The following CSMD1 variants were observed in gnomAD, a reference collection of about 807,000 sequenced individuals.
The protein encoded by CSMD1 is CUB and Sushi multiple domains 1.
In CSMD1, 213 loss-of-function variants were observed where a neutral mutation model predicts 417.5. That is an observed-to-expected ratio of 0.51 (90% CI 0.46 to 0.57). The LOEUF (loss-of-function observed/expected upper bound fraction) is 0.57, where lower values mean the gene tolerates loss of function less well. CSMD1 is among the 20% of genes least tolerant of loss of function. The probability of loss-of-function intolerance (pLI) is 0.00; values close to 1 mark genes in which losing one functional copy is unlikely to be tolerated. For synonymous variants in CSMD1, 2,862 were observed against 1,736.8 expected (o/e 1.65, Z -16.11); for missense variants, 6,923 against 4,529.7 (o/e 1.53, Z -15.17).
At chr8:3,379,822 C>A (rs1810523160) in intron 18 of CSMD1, among the ~76,000 whole-genome samples, 3 of 152,164 alleles carry the variant, frequency 2.0e-5, no homozygotes, top group African/African-American at 7.2e-5. Flanking sequence ...CAATACAATT[C>A]AGGACATAGG....
chr8:3,785,754 G>A (rs866849913), intron 5 of CSMD1, among the ~76,000 whole-genome samples: 4 of 152,158 alleles, frequency 2.6e-5, no homozygotes, highest in South Asian at 4.1e-4. Flanking sequence ...GAGCTAGGAA[G>A]CCTATGGTGC....
chr8:3,428,939 G>A (rs1371415726), intron 12 of CSMD1, among the ~76,000 whole-genome samples: 1 of 152,192 alleles, frequency 6.6e-6, no homozygotes, highest in Admixed American at 6.5e-5. Context: ...GCCAGTGACA[G>A]AAAGACAAGC....
At chr8:4,073,120 T>C (rs971571837) in intron 3 of CSMD1, among the ~76,000 whole-genome samples, 3 of 152,282 alleles carry the variant, frequency 2.0e-5, no homozygotes, top group Admixed American at 1.3e-4. Context: ...ATCATGATTC[T>C]AGAAATTGGC....
intron 2 of CSMD1, among the ~76,000 whole-genome samples, chr8:4,575,445 C>T (rs1799092682): frequency 6.6e-6 from 1 of 152,078 alleles, no homozygotes. Flanking sequence ...TGTGTAACAT[C>T]CGGCAGGTCA....
intron 1 of CSMD1, among the ~76,000 whole-genome samples, chr8:4,920,546 G>T (rs1236091883): frequency 6.6e-6 from 1 of 152,146 alleles, no homozygotes; most frequent in Non-Finnish European, 1.5e-5. Flanking sequence ...GTGAGGCCAG[G>T]CACAGTGGCT....
intron 3 of CSMD1, among the ~76,000 whole-genome samples, chr8:4,406,688 C>A (rs59784655): frequency 0.023 from 3,479 of 152,162 alleles, 117 homozygotes; most frequent in African/African-American, 0.08. Flanking sequence ...AAAAACTACA[C>A]AAAGAAAACT....
intron 5 of CSMD1, among the ~76,000 whole-genome samples, chr8:3,989,188 G>A (rs1248045419): frequency 6.6e-6 from 1 of 152,166 alleles, no homozygotes; most frequent in African/African-American, 2.4e-5. Flanking sequence ...CTAGTTAGCA[G>A]CTCTCTCAGG....
At chr8:3,354,789 T>TC (rs1473489250) in intron 21 of CSMD1, among the ~76,000 whole-genome samples, 67 of 132,408 alleles carry the variant, frequency 5.1e-4, no homozygotes, top group Non-Finnish European at 8.4e-4. Context: ...GATATATATA[T>TC]ATCACTAAAC....
chr8:4,373,157 C>CCT (rs947106873), intron 3 of CSMD1, among the ~76,000 whole-genome samples: 1 of 152,150 alleles, frequency 6.6e-6, no homozygotes, highest in Admixed American at 6.5e-5. Flanking sequence ...GGAGGAGCAA[C>CCT]CCATGATACC....
chr8:3,339,082 G>T (rs891054191), intron 23 of CSMD1, among the ~76,000 whole-genome samples: 1 of 148,510 alleles, frequency 6.7e-6, no homozygotes, highest in African/African-American at 2.5e-5. Flanking sequence ...GAGAATATGC[G>T]GTGTTTGGTT....
chr8:4,878,784 G>C (rs1415868128), intron 1 of CSMD1, among the ~76,000 whole-genome samples: 1 of 151,850 alleles, frequency 6.6e-6, no homozygotes, highest in East Asian at 1.9e-4. Context: ...ATTATAGTTT[G>C]AGTTTATCCC....
intron 26 of CSMD1, among the ~76,000 whole-genome samples, chr8:3,251,300 G>A (rs1403008132): frequency 6.6e-6 from 1 of 152,112 alleles, no homozygotes; most frequent in Non-Finnish European, 1.5e-5. Flanking sequence ...AGTTTTCCCA[G>A]CACCATTTAT....
rs776179870 is a variant in CSMD1 at position 2,963,237 on chromosome 8, T to C, written c.9439A>G (p.Ile3147Val). The change falls in exon 60 of 70, where the codon ATC becomes GTC. Residue 3147 changes from isoleucine (I) to valine (V), a missense_variant. By Grantham distance (29) the Ile-to-Val change is conservative. Transcript: ENST00000635120. ...TAGAACTTACGGAGACACTGGGGGA[T>C]CTCTCCTTTCCACACCCCGCGACCT... ...CEGRGVWKGE[I>V]PQCLPVFCGD... The C allele has an allele frequency of 3.1e-6, 5 of 1,613,916 alleles. No individual in the cohort carries two copies. Among genetic ancestry groups the C allele is most frequent in the Non-Finnish European group, 4.2e-6 (5 of 1,179,854 alleles).
chr8:3,146,457 T>C (rs1818850075), intron 40 of CSMD1, among the ~76,000 whole-genome samples: 1 of 152,114 alleles, frequency 6.6e-6, no homozygotes, highest in South Asian at 2.1e-4. Flanking sequence ...TACTTCAAAA[T>C]AGCCCTATGG....
intron 1 of CSMD1, among the ~76,000 whole-genome samples, chr8:4,882,345 G>A (rs867611115): frequency 6.6e-6 from 1 of 151,754 alleles, no homozygotes; most frequent in Non-Finnish European, 1.5e-5. Context: ...CGCCTGCTTG[G>A]TTTGCTTGGG....
At chr8:4,884,573 C>A (rs936245883) in intron 1 of CSMD1, among the ~76,000 whole-genome samples, 6 of 151,984 alleles carry the variant, frequency 3.9e-5, no homozygotes, top group African/African-American at 1.5e-4. Context: ...TGGGCTTCGA[C>A]TTCATCACTT....
At chr8:3,954,404 C>T (rs570496674) in intron 5 of CSMD1, among the ~76,000 whole-genome samples, 2 of 152,224 alleles carry the variant, frequency 1.3e-5, no homozygotes, top group Non-Finnish European at 2.9e-5. Context: ...GCTCTGCTGC[C>T]CAGGCTGGAG....
intron 23 of CSMD1, among the ~76,000 whole-genome samples, chr8:3,314,984 C>G (rs144471628): frequency 1.3e-5 from 2 of 152,182 alleles, no homozygotes; most frequent in East Asian, 1.9e-4. Flanking sequence ...GAAAACATAA[C>G]TGAAGAAAAG....
At chr8:4,841,933 A>AAAACAAAAAACAAAAAAC (rs1246333046) in intron 1 of CSMD1, among the ~76,000 whole-genome samples, 3 of 145,488 alleles carry the variant, frequency 2.1e-5, no homozygotes, top group African/African-American at 7.6e-5. Flanking sequence ...AAAAAAAAAA[A>AAAACAAAAAACAAAAAAC]AAAAAGTTCA....
Sources: allele counts gnomAD v4.1 joint callset (sites outside exome capture counted in the v4.1 genomes callset), GRCh38; gene constraint gnomAD v4.1.1; transcripts MANE v1.5; gene names NCBI Gene and HGNC (gene_info 2026-07-23, HGNC 2026-07-21).